Variants in RBFOX1 observed in about 807,000 individuals in gnomAD.
RBFOX1 encodes the protein RNA binding protein fox-1 homolog 1.
In RBFOX1, 8 loss-of-function variants were observed where a neutral mutation model predicts 57.7. The observed-to-expected ratio is 0.14, with a 90% CI of 0.08 to 0.25. RBFOX1 has a LOEUF of 0.25. RBFOX1 is among the 10% of genes least tolerant of loss of function. The probability of loss-of-function intolerance (pLI) is 1.00; values close to 1 mark genes in which losing one functional copy is unlikely to be tolerated. For missense variants in RBFOX1, 611 were observed against 548.5 expected, an observed-to-expected ratio of 1.11 and a Z score of -1.14; for synonymous variants, 326 against 222.4, an observed-to-expected ratio of 1.47 and a Z score of -4.15.
chr16:7,680,270 G>A (rs898077325), intron 14 of RBFOX1, among the ~76,000 whole-genome samples: 7 of 152,172 alleles, frequency 4.6e-5, no homozygotes, highest in African/African-American at 1.7e-4. Context: ...CAAACTGGGA[G>A]GTGCGGAGGG....
rs149366447 is a variant in RBFOX1, at chr16:7,183,297, T to G, written c.27+131199T>G. 4.3e-4 allele frequency among the ~76,000 whole-genome samples: 65 copies of G among 152,248 alleles called. 1 individual carries two copies. The highest frequency in any genetic ancestry group is 3.4e-3 in the Middle Eastern group (1 of 294). ...TTCCCCAATGACAAGTGTATCGTGC[T>G]TGTCAATTTACAGAGGGTAGTGAGG... is the stretch of plus-strand genomic sequence containing the variant. On this transcript the variant is annotated intron_variant, in intron 4 of 15. Transcript: ENST00000550418.
intron 3 of RBFOX1, among the ~76,000 whole-genome samples, chr16:5,633,724 A>C (rs2048594072): frequency 6.6e-6 from 1 of 152,020 alleles, no homozygotes; most frequent in African/African-American, 2.4e-5. Context: ...AAATACAAAA[A>C]TTAGCCGGGC....
chr16:5,396,521 A>G (rs977085638), intron 1 of RBFOX1, among the ~76,000 whole-genome samples: 39 of 152,200 alleles, frequency 2.6e-4, no homozygotes, highest in African/African-American at 9.2e-4. Context: ...ACATGCCTGT[A>G]TTCCCAACTA....
chr16:5,845,150 A>G (rs923001953), intron 3 of RBFOX1, among the ~76,000 whole-genome samples: 2 of 151,142 alleles, frequency 1.3e-5, no homozygotes, highest in African/African-American at 4.9e-5. Flanking sequence ...TTAATTAATG[A>G]TGAAGCAGGG....
intron 3 of RBFOX1, among the ~76,000 whole-genome samples, chr16:5,705,548 T>G (rs994843699): frequency 6.6e-6 from 1 of 152,198 alleles, no homozygotes; most frequent in Non-Finnish European, 1.5e-5. Flanking sequence ...AGCGAAACAT[T>G]GACATTAGTA....
At chr16:7,491,370 G>C (rs1466670090) in intron 4 of RBFOX1, among the ~76,000 whole-genome samples, 1 of 95,846 alleles carries the variant, frequency 1.0e-5, no homozygotes, top group African/African-American at 3.0e-5. Flanking sequence ...ACTCTTCTTG[G>C]GTTTTGCTTT....
At chr16:7,378,185 C>A (rs149130866) in intron 4 of RBFOX1, among the ~76,000 whole-genome samples, 1 of 152,074 alleles carries the variant, frequency 6.6e-6, no homozygotes, top group African/African-American at 2.4e-5. Context: ...GTTGCTGAGC[C>A]GGAAGTTGTT....
chr16:7,525,470 G>A (rs745344263), intron 5 of RBFOX1, among the ~76,000 whole-genome samples: 17 of 152,118 alleles, frequency 1.1e-4, no homozygotes, highest in Non-Finnish European at 2.1e-4. Flanking sequence ...AAAGGTACAT[G>A]GACTTAAGAT....
chr16:7,456,063 C>A (rs543342327), intron 4 of RBFOX1, among the ~76,000 whole-genome samples: 1 of 152,124 alleles, frequency 6.6e-6, no homozygotes. Context: ...CGCATGTGGT[C>A]TTATGCTATA....
intron 2 of RBFOX1, among the ~76,000 whole-genome samples, chr16:5,507,399 T>G (rs375226185): frequency 2.0e-5 from 3 of 152,004 alleles, no homozygotes; most frequent in African/African-American, 7.2e-5. Flanking sequence ...CATCAGTGGG[T>G]GGCACACATA....
intron 14 of RBFOX1, among the ~76,000 whole-genome samples, chr16:7,705,172 T>A (rs1365584480): frequency 6.6e-6 from 1 of 151,906 alleles, no homozygotes; most frequent in Non-Finnish European, 1.5e-5. Flanking sequence ...GTGCCAAGAC[T>A]AAGCAGAGAA....
At chr16:7,357,298 A>G (rs1238438230) in intron 4 of RBFOX1, among the ~76,000 whole-genome samples, 1 of 152,078 alleles carries the variant, frequency 6.6e-6, no homozygotes, top group East Asian at 1.9e-4. Flanking sequence ...GTTCTTGGTT[A>G]TCATCATTAT....
At chr16:5,616,780 C>A (rs2048039252) in intron 3 of RBFOX1, among the ~76,000 whole-genome samples, 1 of 145,622 alleles carries the variant, frequency 6.9e-6, no homozygotes, top group Admixed American at 6.9e-5. Flanking sequence ...CCCCTATTTT[C>A]CTCCTCTTTC....
intron 4 of RBFOX1, among the ~76,000 whole-genome samples, chr16:7,100,704 C>G (rs147528184): frequency 2.0e-5 from 3 of 150,148 alleles, no homozygotes; most frequent in Non-Finnish European, 4.4e-5. Flanking sequence ...TAAAAATGTA[C>G]AAAATGGACA....
At chr16:7,482,655 T>C (rs1000947767) in intron 4 of RBFOX1, among the ~76,000 whole-genome samples, 8 of 150,268 alleles carry the variant, frequency 5.3e-5, no homozygotes, top group Admixed American at 1.3e-4. Context: ...AAGAAGATGC[T>C]GTGACAGGCA....
At chr16:7,516,118 T>A (rs2076298732) in intron 4 of RBFOX1, among the ~76,000 whole-genome samples, 1 of 152,158 alleles carries the variant, frequency 6.6e-6, no homozygotes, top group African/African-American at 2.4e-5. Context: ...GTGCTGGAAT[T>A]ACAGGCATGA....
At chr16:6,780,234 T>C (rs1305962028) in intron 3 of RBFOX1, among the ~76,000 whole-genome samples, 1 of 86,922 alleles carries the variant, frequency 1.2e-5, no homozygotes, top group Non-Finnish European at 1.9e-5. Context: ...TATATATTTA[T>C]ATATATTTAC....
intron 4 of RBFOX1, among the ~76,000 whole-genome samples, chr16:7,090,550 A>G (rs936165175): frequency 5.3e-5 from 8 of 152,324 alleles, no homozygotes; most frequent in African/African-American, 1.9e-4. Flanking sequence ...TATGTCCATC[A>G]TTTGGTGTCA....
intron 2 of RBFOX1, among the ~76,000 whole-genome samples, chr16:6,535,373 G>A (rs539990524): frequency 6.6e-6 from 1 of 152,224 alleles, no homozygotes; most frequent in South Asian, 2.1e-4. Flanking sequence ...TAATTGTCAT[G>A]GACGAAGATT....
Sources: gnomAD v4.1 joint callset for allele counts (sites outside exome capture counted in the v4.1 genomes callset) on GRCh38, gnomAD v4.1.1 for gene constraint, MANE v1.5 for transcripts, NCBI Gene and HGNC (gene_info 2026-07-23, HGNC 2026-07-21) for gene names.